PTPRA: variants seen among roughly 807,000 people sequenced by gnomAD.
PTPRA encodes the protein protein tyrosine phosphatase receptor type A.
A neutral mutation model predicts 104.8 loss-of-function variants in PTPRA; 25 were observed. The observed-to-expected ratio is 0.24, with a 90% CI of 0.17 to 0.33. PTPRA has a LOEUF of 0.33. Among genes scored for constraint, PTPRA ranks in the 10% least tolerant of loss-of-function variants. PTPRA has a pLI of 1.00. For synonymous variants in PTPRA, 323 were observed against 368.9 expected (o/e 0.88, Z 1.43); for missense variants, 765 against 1,015.3 (o/e 0.75, Z 3.35).
At chr20:2,978,254 T>C (rs982620304) in intron 6 of PTPRA, among the ~76,000 whole-genome samples, 4 of 152,188 alleles carry the variant, frequency 2.6e-5, no homozygotes, top group Non-Finnish European at 5.9e-5. Flanking sequence ...AGATGGACAA[T>C]AGAAATTTAG....
intron 1 of PTPRA, among the ~76,000 whole-genome samples, chr20:2,905,909 C>T (rs1206327565): frequency 1.3e-5 from 2 of 152,052 alleles, no homozygotes; most frequent in African/African-American, 2.4e-5. Context: ...TGGTCTCGAA[C>T]TCCTGACCTC....
intron 9 of PTPRA, among the ~76,000 whole-genome samples, chr20:3,002,322 ATTTTTTTT>A (rs5839983): frequency 8.6e-6 from 1 of 116,932 alleles, no homozygotes; most frequent in African/African-American, 3.1e-5. Flanking sequence ...AAATGTAGTA[ATTTTTTTT>A]TTTTTTTTTT....
upstream of PTPRA, among the ~76,000 whole-genome samples, chr20:2,871,968 G>A (rs2089440613): frequency 6.6e-6 from 1 of 152,242 alleles, no homozygotes; most frequent in African/African-American, 2.4e-5. Flanking sequence ...GGGACGGCCT[G>A]AGGCCCGCCC....
intron 2 of PTPRA, among the ~76,000 whole-genome samples, chr20:2,926,310 T>G (rs1162811937): frequency 2.0e-5 from 3 of 152,204 alleles, no homozygotes; most frequent in Non-Finnish European, 4.4e-5. Context: ...CTAGAAGTCT[T>G]GCGGGCTGTG....
In PTPRA at chr20:3,038,217, A is replaced by G; in HGVS notation, c.*84A>G. On this transcript the variant is annotated 3_prime_UTR_variant, in exon 24 of 24. Transcript: ENST00000399903. ...TTTGTTAATATACCCCAAATTGTGTATATATCTTATAACTGTTTTAGAAAT... is the reference window on the plus strand; with the variant it reads ...TTTGTTAATATACCCCAAATTGTGTGTATATCTTATAACTGTTTTAGAAAT... 1 of 1,305,774 alleles carries G rather than the reference A, an allele frequency of 7.7e-7. No individual in the cohort carries two copies. The highest frequency in any genetic ancestry group is 1.3e-5 in the South Asian group (1 of 79,942). 80.9% of individuals were successfully genotyped at this position (1,305,774 alleles called of 1,614,324 possible). A position where few individuals can be genotyped will look rare whatever the true frequency, so the allele number is the denominator to read the frequency against.
At chr20:2,992,882 C>T (rs1231193509) in intron 9 of PTPRA, among the ~76,000 whole-genome samples, 1 of 152,118 alleles carries the variant, frequency 6.6e-6, no homozygotes, top group Non-Finnish European at 1.5e-5. Flanking sequence ...GCTTTGAGTC[C>T]AGGAGCTCAA....
intron 5 of PTPRA, among the ~76,000 whole-genome samples, chr20:2,971,670 C>T (rs902360916): frequency 1.3e-5 from 2 of 152,128 alleles, no homozygotes; most frequent in African/African-American, 4.8e-5. Context: ...GTGGTACTGA[C>T]TCTTGAGTTG....
At chr20:2,872,640 C>G (rs1409809967), upstream of PTPRA, among the ~76,000 whole-genome samples, 1 of 152,232 alleles carries the variant, frequency 6.6e-6, no homozygotes, top group Non-Finnish European at 1.5e-5. This position sits in a 1 kb window ranked among gnomAD's most constrained non-coding sequence, Gnocchi z 7.9. Context: ...CTGCAGCACC[C>G]GCGGGGATCC....
At chr20:3,027,876 A>G (rs1280858377) in intron 20 of PTPRA, 35 bp downstream of exon 20, 2 of 1,609,436 alleles carry the variant, frequency 1.2e-6, no homozygotes, top group Non-Finnish European at 8.5e-7. Flanking sequence ...TGAGAGACAG[A>G]GACAGCATGA....
intron 18 of PTPRA, 77 bp downstream of exon 18, chr20:3,026,857 CTAGT>C: frequency 8.0e-7 from 1 of 1,244,260 alleles, no homozygotes; most frequent in South Asian, 1.2e-5. Context: ...TTCTCAGGTA[CTAGT>C]TAATGATTGG....
intron 6 of PTPRA, among the ~76,000 whole-genome samples, chr20:2,976,569 A>G (rs952789351): frequency 2.0e-5 from 3 of 152,218 alleles, no homozygotes; most frequent in Non-Finnish European, 2.9e-5. Context: ...AATGTAATAA[A>G]TCTCCTTTCT....
At chr20:2,948,719 A>G (rs1290955273) in intron 3 of PTPRA, among the ~76,000 whole-genome samples, 3 of 151,796 alleles carry the variant, frequency 2.0e-5, no homozygotes, top group Non-Finnish European at 4.4e-5. Context: ...TGGGAGGCCA[A>G]GGTGGGCGGA....
intron 1 of PTPRA, among the ~76,000 whole-genome samples, chr20:2,917,323 T>C (rs2059940784): frequency 6.6e-6 from 1 of 152,170 alleles, no homozygotes; most frequent in Non-Finnish European, 1.5e-5. Flanking sequence ...TCCTTGTTCT[T>C]GGAGGTAGAT....
intron 20 of PTPRA, among the ~76,000 whole-genome samples, chr20:3,032,549 C>T (rs1302704704): frequency 6.6e-6 from 1 of 152,048 alleles, no homozygotes; most frequent in Non-Finnish European, 1.5e-5. Context: ...GGGCGGATCA[C>T]AAAGTCAGGA....
chr20:2,967,070 C>T (rs549975148), intron 5 of PTPRA, among the ~76,000 whole-genome samples: 9 of 152,154 alleles, frequency 5.9e-5, no homozygotes, highest in Non-Finnish European at 1.3e-4. Context: ...ATAATCATCT[C>T]CTTTTAACAG....
At chr20:2,898,156 G>T (rs1426021942) in intron 1 of PTPRA, among the ~76,000 whole-genome samples, 2 of 151,810 alleles carry the variant, frequency 1.3e-5, no homozygotes, top group African/African-American at 4.8e-5. Flanking sequence ...GAGTGCAGTG[G>T]CGCGATCTCG....
chr20:3,008,172 A>G (rs1459708464), intron 11 of PTPRA, among the ~76,000 whole-genome samples: 6 of 152,230 alleles, frequency 3.9e-5, no homozygotes, highest in African/African-American at 1.4e-4. Flanking sequence ...TTCCACTTGC[A>G]TGTTTATAGC....
chr20:2,929,093 A>C (rs2060414771), intron 2 of PTPRA, among the ~76,000 whole-genome samples: 1 of 152,050 alleles, frequency 6.6e-6, no homozygotes, highest in African/African-American at 2.4e-5. Flanking sequence ...TGGGGACTAC[A>C]GGAGTATGCC....
At chr20:2,864,485 T>C in the PTPRA span, 1 of 1,614,042 alleles carries the variant, frequency 6.2e-7, no homozygotes, top group African/African-American at 1.3e-5. This position sits in a 1 kb window ranked among gnomAD's most constrained non-coding sequence, Gnocchi z 5.2. Flanking sequence ...GGCAGGGTTG[T>C]GGTGTAGCCT....
Sources: gnomAD v4.1 joint callset for allele counts (sites outside exome capture counted in the v4.1 genomes callset) on GRCh38, gnomAD v4.1.1 for gene constraint, Gnocchi (gnomAD v3.1) non-coding constraint, MANE v1.5 for transcripts, NCBI Gene and HGNC (gene_info 2026-07-23, HGNC 2026-07-21) for gene names.